The following RSU1 variants were observed in gnomAD, a reference collection of about 807,000 sequenced individuals.
The protein encoded by RSU1 is Ras suppressor protein 1.
A neutral mutation model predicts 31.1 loss-of-function variants in RSU1; 26 were observed. The observed-to-expected ratio is 0.84, with a 90% confidence interval of 0.61 to 1.16. RSU1 has a LOEUF of 1.16. RSU1 is among the 50% of genes most tolerant of loss of function. RSU1 has a pLI of 0.00. For missense variants in RSU1, 320 were observed against 339.1 expected, an observed-to-expected ratio of 0.94 and a Z score of 0.44; for synonymous variants, 164 against 136.3, an observed-to-expected ratio of 1.20 and a Z score of -1.41.
chr10:16,685,237 G>A (rs180706493), intron 8 of RSU1, among the ~76,000 whole-genome samples: 34 of 152,186 alleles, frequency 2.2e-4, no homozygotes, highest in East Asian at 9.7e-4. Flanking sequence ...GCAACAGAGC[G>A]GGACTCCGTC....
intron 2 of RSU1, among the ~76,000 whole-genome samples, chr10:16,811,900 C>T (rs1463289960): frequency 6.6e-6 from 1 of 152,134 alleles, no homozygotes; most frequent in African/African-American, 2.4e-5. Flanking sequence ...AGTAGAGAGA[C>T]ACTTCAGCTA....
At chr10:16,665,040 T>C (rs892045149) in intron 8 of RSU1, among the ~76,000 whole-genome samples, 1 of 152,058 alleles carries the variant, frequency 6.6e-6, no homozygotes, top group Admixed American at 6.5e-5. Context: ...GCCTCCCAGG[T>C]TTAAGCAATT....
In RSU1 at chr10:16,811,323, G is replaced by A. The variant is rs561597874; in HGVS notation, c.109+5650C>T. On this transcript the variant is annotated intron_variant, in intron 2 of 8. Transcript: ENST00000345264. ...AATCTTATTATGCATTTCTCATAAC[G>A]TATCCCCACCATTAAGTAATGCATG... is the stretch of plus-strand genomic sequence containing the variant. 7.2e-5 allele frequency among the ~76,000 whole-genome samples: 11 copies of A among 152,234 alleles called. No homozygotes were observed. The South Asian group carries it at 1.0e-3, about 14-fold the overall frequency.
chr10:16,633,486 C>T (rs965687411), intron 8 of RSU1, among the ~76,000 whole-genome samples: 1 of 152,122 alleles, frequency 6.6e-6, no homozygotes, highest in African/African-American at 2.4e-5. Flanking sequence ...GAGCTGTTAC[C>T]CCAAGCTAGC....
At chr10:16,759,148 G>C (rs1588516960) in intron 4 of RSU1, among the ~76,000 whole-genome samples, 1 of 152,006 alleles carries the variant, frequency 6.6e-6, no homozygotes, top group African/African-American at 2.4e-5. Flanking sequence ...CTTGTCTAAA[G>C]GCACTAATTT....
At chr10:16,681,555 T>C (rs969194081) in intron 8 of RSU1, among the ~76,000 whole-genome samples, 9 of 152,154 alleles carry the variant, frequency 5.9e-5, no homozygotes, top group African/African-American at 2.2e-4. Context: ...AAGAATTAAA[T>C]TGAATTAAAA....
intron 2 of RSU1, among the ~76,000 whole-genome samples, chr10:16,798,890 C>A (rs1212716728): frequency 6.6e-6 from 1 of 152,164 alleles, no homozygotes; most frequent in Non-Finnish European, 1.5e-5. Flanking sequence ...ACTGTCGAGT[C>A]TCTATACCTG....
intron 2 of RSU1, among the ~76,000 whole-genome samples, chr10:16,797,251 GA>G (rs757284829): frequency 9.2e-5 from 14 of 152,218 alleles, no homozygotes; most frequent in Non-Finnish European, 1.9e-4. Context: ...ACTCCACAAG[GA>G]GCAGTAAGTA....
chr10:16,654,824 C>G (rs1328842566), intron 8 of RSU1, among the ~76,000 whole-genome samples: 4 of 151,104 alleles, frequency 2.6e-5, no homozygotes, highest in Admixed American at 2.6e-4. Flanking sequence ...TCCTGGAAGC[C>G]AAGGTGGGAG....
chr10:16,597,112 G>A (rs1393366825), intron 8 of RSU1, among the ~76,000 whole-genome samples: 1 of 152,182 alleles, frequency 6.6e-6, no homozygotes, highest in East Asian at 1.9e-4. Context: ...AAGAGTCTTG[G>A]CAATGATAAG....
chr10:16,715,141 G>C (rs1205151858), intron 7 of RSU1, among the ~76,000 whole-genome samples: 1 of 152,188 alleles, frequency 6.6e-6, no homozygotes, highest in African/African-American at 2.4e-5. Context: ...GTGCGGTCCA[G>C]CATACTTCCT....
intron 7 of RSU1, among the ~76,000 whole-genome samples, chr10:16,724,322 G>C (rs916629603): frequency 2.0e-5 from 3 of 152,080 alleles, no homozygotes; most frequent in Non-Finnish European, 2.9e-5. Context: ...AAAGAGAAAA[G>C]AATAAAATAT....
chr10:16,594,384 G>A (rs1239318955), intron 8 of RSU1, among the ~76,000 whole-genome samples: 1 of 151,600 alleles, frequency 6.6e-6, no homozygotes, highest in African/African-American at 2.4e-5. Flanking sequence ...GGCATCTTGG[G>A]CTGTTTAGCA....
In RSU1 at chr10:16,592,781, T is replaced by G. The variant is rs1833530870; in HGVS notation, c.*613A>C. ...GAACTGTGATTTAATTTTGCATTTC[T>G]TTCATGAAAAGTTTATCATGTATAA... On this transcript the variant is annotated 3_prime_UTR_variant, in exon 9 of 9. Transcript: ENST00000345264. 6.6e-6 allele frequency: 1 copy of G among 152,272 alleles called. No homozygotes were observed. 9.4% of individuals were successfully genotyped at this position (152,272 alleles called of 1,614,324 possible).
intron 8 of RSU1, among the ~76,000 whole-genome samples, chr10:16,618,823 G>C (rs771041416): frequency 6.6e-6 from 1 of 152,106 alleles, no homozygotes; most frequent in Non-Finnish European, 1.5e-5. Context: ...ACTGGGGCCC[G>C]TGGTGGGGTA....
At chr10:16,603,154 A>C (rs1833741096) in intron 8 of RSU1, among the ~76,000 whole-genome samples, 1 of 152,168 alleles carries the variant, frequency 6.6e-6, no homozygotes. Flanking sequence ...TTCCCAACAT[A>C]GTGGAGAAAG....
At chr10:16,661,037 A>G (rs2131526755) in intron 8 of RSU1, among the ~76,000 whole-genome samples, 1 of 151,878 alleles carries the variant, frequency 6.6e-6, no homozygotes, top group East Asian at 1.9e-4. Flanking sequence ...ATTTCTTGTT[A>G]TTCTATTATT....
chr10:16,817,194 GC>G, intron 1 of RSU1, 110 bp from the exon 2 acceptor site: 1 of 710,516 alleles, frequency 1.4e-6, no homozygotes, highest in Non-Finnish European at 2.5e-6. Flanking sequence ...GAGCGGGTGG[GC>G]GTCCGAGGGC....
intron 7 of RSU1, among the ~76,000 whole-genome samples, chr10:16,749,034 A>C (rs1389575656): frequency 2.0e-5 from 3 of 152,128 alleles, no homozygotes; most frequent in Middle Eastern, 3.2e-3. Flanking sequence ...AGTGACTCTT[A>C]CTTTACCGGA....
Sources: allele counts gnomAD v4.1 joint callset (sites outside exome capture counted in the v4.1 genomes callset), GRCh38; gene constraint gnomAD v4.1.1; transcripts MANE v1.5; gene names NCBI Gene and HGNC (gene_info 2026-07-23, HGNC 2026-07-21).